PI16: variants seen among roughly 807,000 people sequenced by gnomAD.
The protein encoded by PI16 is peptidase inhibitor 16, also known as PSP94-binding protein.
A neutral mutation model predicts 38.0 loss-of-function variants in PI16; 35 were observed. That is an observed-to-expected ratio of 0.92 (90% CI 0.70 to 1.22). The LOEUF is 1.22. Among genes scored for constraint, PI16 ranks in the 50% most tolerant of loss-of-function variants. The probability of loss-of-function intolerance (pLI) is 0.00; values close to 1 mark genes in which losing one functional copy is unlikely to be tolerated. For missense variants in PI16, 572 were observed against 593.8 expected, an observed-to-expected ratio of 0.96 and a Z score of 0.38; for synonymous variants, 275 against 252.9, an observed-to-expected ratio of 1.09 and a Z score of -0.83.
At chr6:36,958,162 C>A (rs1763254735) in intron 1 of PI16, among the ~76,000 whole-genome samples, 1 of 152,256 alleles carries the variant, frequency 6.6e-6, no homozygotes, top group Admixed American at 6.5e-5. Flanking sequence ...GTCACCCAAG[C>A]TCTTGGCGCT....
Position 36,961,495 on chromosome 6 carries a change from C to T in PI16, c.438C>T (p.Phe146=), listed in dbSNP as rs763443607. ...AGAGGATCGGCTGTGGTTCCCACTT[C>T]TGTGAGAAGCTCCAGGGTGTTGAGG... ...KTERIGCGSH[F]CEKLQGVEET... Residue 146 remains phenylalanine, a synonymous_variant, in exon 3 of 7, where the codon TTC becomes TTT. Transcript: ENST00000373674. 1.2e-6 allele frequency: 2 copies of T among 1,614,192 alleles called. No homozygotes were observed. Among genetic ancestry groups the T allele is most frequent in the Non-Finnish European group, 1.7e-6 (2 of 1,180,026 alleles).
chr6:36,963,671 C>T, intron 5 of PI16, 59 bp downstream of exon 5: 1 of 1,579,910 alleles, frequency 6.3e-7, no homozygotes, highest in East Asian at 2.2e-5. Flanking sequence ...AGTATCCTGC[C>T]CCAGCATAGG....
chr6:36,961,312 G>T, intron 2 of PI16, 139 bp from the exon 3 acceptor site: 2 of 719,008 alleles, frequency 2.8e-6, no homozygotes, highest in Non-Finnish European at 5.0e-6. Flanking sequence ...TCCTGAACCT[G>T]CATGGCCTTG....
rs1763385075 is a variant in PI16, at chr6:36,962,173, G to A, written c.592+199G>A. Among the ~76,000 whole-genome samples the A allele has an allele frequency of 6.6e-6, 1 of 152,162 alleles. No homozygotes were observed. The highest frequency in any genetic ancestry group is 2.4e-5 in the African/African-American group (1 of 41,438). On this transcript the variant is annotated intron_variant, in intron 4 of 6. Coordinates refer to ENST00000373674, the MANE Select transcript of PI16 (RefSeq NM_153370.3). This position sits in a 1 kb window ranked among gnomAD's most constrained non-coding sequence, Gnocchi z 4.1. Reference sequence around the variant, plus strand: ...TGGCGCCCTGTCGTTCCAAGTGGCCGGATTTCAACCCTTCAAAGGGAGGAT... The same window carrying A: ...TGGCGCCCTGTCGTTCCAAGTGGCCAGATTTCAACCCTTCAAAGGGAGGAT...
chr6:36,948,833 C>A (rs1374315258), intron 1 of PI16, among the ~76,000 whole-genome samples: 1 of 145,992 alleles, frequency 6.8e-6, no homozygotes, highest in East Asian at 2.2e-4. Context: ...CTCACTCTGT[C>A]ACCCGGGCTG....
chr6:36,958,922 G>A (rs1425561359), intron 1 of PI16, among the ~76,000 whole-genome samples: 1 of 152,180 alleles, frequency 6.6e-6, no homozygotes, highest in Non-Finnish European at 1.5e-5. Context: ...GACAATCCGT[G>A]CAGTCACACA....
At chr6:36,964,035 T>C in intron 6 of PI16, 73 bp downstream of exon 6, 1 of 1,506,242 alleles carries the variant, frequency 6.6e-7, no homozygotes, top group East Asian at 2.3e-5. Flanking sequence ...AGACCACAGC[T>C]TCCTGGGCAG....
chr6:36,954,817 G>A lies in PI16; in HGVS notation c.57G>A (p.Val19=). The change falls in exon 1 of 7, where the codon GTG becomes GTA. Residue 19 remains valine (V), a synonymous_variant. Transcript: ENST00000373674. ...MLLLPLLLLL[V]ATTGPVGALT... Reference sequence around the variant, plus strand: ...TGCTGCCGCTACTGCTACTGCTGGTGGCCACCACAGGCCCCGTTGGAGCCC... The same window carrying A: ...TGCTGCCGCTACTGCTACTGCTGGTAGCCACCACAGGCCCCGTTGGAGCCC... 1.2e-6 allele frequency: 2 copies of A among 1,614,110 alleles called. No individual in the cohort carries two copies. Among genetic ancestry groups the A allele is most frequent in the South Asian group, 1.1e-5 (1 of 91,082 alleles).
At chr6:36,950,069 T>C (rs62406499), upstream of PI16, among the ~76,000 whole-genome samples, 21,869 of 152,214 alleles carry the variant, frequency 0.14, 1,689 homozygotes, top group Middle Eastern at 0.21. This position sits in a 1 kb window ranked among gnomAD's most constrained non-coding sequence, Gnocchi z 4.2. Flanking sequence ...CCCATGTTTA[T>C]GTGTCCAGTT....
intron 2 of PI16, among the ~76,000 whole-genome samples, chr6:36,960,642 A>AC (rs5875563): frequency 0.036 from 1,466 of 41,020 alleles, 14 homozygotes; most frequent in East Asian, 0.091. Flanking sequence ...CTCTCCCTCC[A>AC]CCCCCCCCCT....
chr6:36,950,122 C>T (rs1023540874), upstream of PI16, among the ~76,000 whole-genome samples: 1 of 152,208 alleles, frequency 6.6e-6, no homozygotes, highest in South Asian at 2.1e-4. The surrounding 1 kb of genome is among the most constrained non-coding windows in gnomAD (Gnocchi z 4.2). Flanking sequence ...GTCACCATCA[C>T]CACCGTCCAT....
At chr6:36,956,811 A>G in intron 1 of PI16, among the ~76,000 whole-genome samples, 1 of 152,320 alleles carries the variant, frequency 6.6e-6, no homozygotes, top group South Asian at 2.1e-4. Flanking sequence ...GTGCTCAGTA[A>G]GTGTCTGATT....
chr6:36,952,246 G>A (rs1203146619), upstream of PI16, among the ~76,000 whole-genome samples: 1 of 152,004 alleles, frequency 6.6e-6, no homozygotes, highest in Non-Finnish European at 1.5e-5. Flanking sequence ...CACCCACCTT[G>A]GCCTCTCAAA....
chr6:36,960,418 G>A (rs969949174), intron 2 of PI16, among the ~76,000 whole-genome samples: 2 of 151,546 alleles, frequency 1.3e-5, no homozygotes, highest in African/African-American at 2.4e-5. Context: ...CAGTGCTTAT[G>A]TGTTGTACAA....
upstream of PI16, among the ~76,000 whole-genome samples, chr6:36,951,831 C>T (rs1234394224): frequency 2.0e-5 from 3 of 151,870 alleles, no homozygotes; most frequent in East Asian, 1.9e-4. Context: ...ACCCGGGAGG[C>T]GGAGGTTGCA....
intron 1 of PI16, among the ~76,000 whole-genome samples, chr6:36,955,294 C>T (rs1763173469): frequency 6.6e-6 from 1 of 152,148 alleles, no homozygotes; most frequent in Non-Finnish European, 1.5e-5. Context: ...AATGCATGTG[C>T]CCTCAGTGGG....
At chr6:36,948,719 GCT>G (rs142273965) in intron 1 of PI16, among the ~76,000 whole-genome samples, 28,172 of 93,674 alleles carry the variant, frequency 0.3, 3,879 homozygotes, top group African/African-American at 0.41. Context: ...TTTCTCTCTC[GCT>G]CTCTCTCTCT....
intron 1 of PI16, among the ~76,000 whole-genome samples, chr6:36,957,294 C>A (rs1451391038): frequency 1.3e-5 from 2 of 152,196 alleles, no homozygotes; most frequent in Non-Finnish European, 2.9e-5. Flanking sequence ...CAGCTTCATG[C>A]CTTTGCTGAT....
intron 2 of PI16, 63 bp from the exon 3 acceptor site, chr6:36,961,388 G>A: frequency 7.1e-7 from 1 of 1,407,142 alleles, no homozygotes; most frequent in Non-Finnish European, 1.0e-6. Context: ...GGTGTAGTGG[G>A]ATGCCAGGAA....
Sources: gnomAD v4.1 joint callset for allele counts (sites outside exome capture counted in the v4.1 genomes callset) on GRCh38, gnomAD v4.1.1 for gene constraint, Gnocchi (gnomAD v3.1) non-coding constraint, MANE v1.5 for transcripts, NCBI Gene and HGNC (gene_info 2026-07-23, HGNC 2026-07-21) for gene names.